ZBTB20: variants seen among roughly 807,000 people sequenced by gnomAD.
ZBTB20 encodes zinc finger and BTB domain-containing protein 20.
A neutral mutation model predicts 56.9 loss-of-function variants in ZBTB20; 9 were observed. The observed-to-expected ratio is 0.16, with a 90% CI of 0.10 to 0.28. The LOEUF (loss-of-function observed/expected upper bound fraction) is 0.28, where lower values mean the gene tolerates loss of function less well. Ranked by LOEUF, ZBTB20 falls within the 10% of genes least tolerant of loss-of-function variation. The probability of loss-of-function intolerance (pLI) is 1.00; values close to 1 mark genes in which losing one functional copy is unlikely to be tolerated. For synonymous variants in ZBTB20, 417 were observed against 420.7 expected, an observed-to-expected ratio of 0.99 and a Z score of 0.11; for missense variants, 655 against 1,003.0, an observed-to-expected ratio of 0.65 and a Z score of 4.69.
chr3:114,820,644 G>A lies in ZBTB20; in HGVS notation c.-416-19470C>T, dbSNP rs903051814. ...ACTTAAGGGAAAAAAATCAGATACCGATAAAAATCACTTTCATATACATGT... is the reference window on the plus strand; with the variant it reads ...ACTTAAGGGAAAAAAATCAGATACCAATAAAAATCACTTTCATATACATGT... On this transcript the variant is annotated intron_variant, in intron 4 of 11. Coordinates refer to ENST00000675478, the MANE Select transcript of ZBTB20 (RefSeq NM_001348800.3). 5.9e-5 allele frequency among the ~76,000 whole-genome samples: 9 copies of A among 151,984 alleles called. No homozygotes were observed. The East Asian group carries it at 7.7e-4, about 13-fold the overall frequency.
intron 10 of ZBTB20, among the ~76,000 whole-genome samples, chr3:114,374,095 A>G (rs1194539420): frequency 6.6e-6 from 1 of 152,164 alleles, no homozygotes; most frequent in Non-Finnish European, 1.5e-5. Context: ...TCTCTAAATA[A>G]AGGGTATAAA....
intron 7 of ZBTB20, among the ~76,000 whole-genome samples, chr3:114,447,892 C>A (rs1351551172): frequency 2.6e-5 from 4 of 152,252 alleles, no homozygotes; most frequent in Non-Finnish European, 5.9e-5. Flanking sequence ...ATACCCTGAG[C>A]CCCTTTCCTT....
chr3:114,455,538 G>A (rs2091959970), intron 7 of ZBTB20, among the ~76,000 whole-genome samples: 1 of 152,092 alleles, frequency 6.6e-6, no homozygotes, highest in Non-Finnish European at 1.5e-5. Flanking sequence ...TATTAACGAT[G>A]GTCTAGGAGT....
chr3:114,620,785 T>A (rs1404756161), intron 6 of ZBTB20, among the ~76,000 whole-genome samples: 1 of 152,110 alleles, frequency 6.6e-6, no homozygotes, highest in Non-Finnish European at 1.5e-5. Context: ...TAGAAAAAAC[T>A]TCAACTTAAA....
At chr3:114,517,272 C>A (rs992628187) in intron 6 of ZBTB20, among the ~76,000 whole-genome samples, 1 of 152,152 alleles carries the variant, frequency 6.6e-6, no homozygotes, top group Non-Finnish European at 1.5e-5. Flanking sequence ...TCAAGTTCTC[C>A]ACCTTGTATA....
intron 4 of ZBTB20, among the ~76,000 whole-genome samples, chr3:114,864,905 T>C (rs2075699516): frequency 6.6e-6 from 1 of 151,858 alleles, no homozygotes; most frequent in Non-Finnish European, 1.5e-5. Flanking sequence ...GATTTTATGT[T>C]TCCCCTTTAC....
intron 6 of ZBTB20, among the ~76,000 whole-genome samples, chr3:114,559,819 G>A (rs1470770896): frequency 6.6e-6 from 1 of 152,102 alleles, no homozygotes; most frequent in East Asian, 1.9e-4. Flanking sequence ...GAGTTCACGG[G>A]AAAAAGATGT....
intron 6 of ZBTB20, chr3:114,502,955 C>G (rs939282694): frequency 2.6e-5 from 4 of 152,108 alleles, no homozygotes; most frequent in African/African-American, 7.2e-5. Context: ...CCCAATAACT[C>G]TCAACAATAT....
In ZBTB20 at chr3:114,324,623, T is replaced by TA. The variant is rs1350872775; in HGVS notation, c.*14381dup. 6.6e-6 allele frequency: 1 copy of TA among 152,126 alleles called. No individual in the cohort carries two copies. The highest frequency in any genetic ancestry group is 2.4e-5 in the African/African-American group (1 of 41,424). The allele number at this position is 152,126 out of a possible 1,614,324, so 9.4% of individuals were successfully genotyped here. A position where few individuals can be genotyped will look rare whatever the true frequency, so the allele number is the denominator to read the frequency against. Reference sequence around the variant, plus strand: ...GCTCAGTGACACACTCACACAGAAGTACAATTATTAAATACAAAAGTGAAT... The same window carrying TA: ...GCTCAGTGACACACTCACACAGAAGTAACAATTATTAAATACAAAAGTGAAT... On this transcript the variant is annotated 3_prime_UTR_variant, in exon 12 of 12. Transcript: ENST00000675478.
chr3:114,675,131 A>T (rs972608097), intron 6 of ZBTB20, among the ~76,000 whole-genome samples: 30 of 151,282 alleles, frequency 2.0e-4, no homozygotes, highest in Middle Eastern at 3.4e-3. Context: ...TATTTGCTGT[A>T]TAGCTAACAG....
intron 7 of ZBTB20, chr3:114,445,796 G>C (rs1486381325): frequency 6.6e-6 from 1 of 152,052 alleles, no homozygotes; most frequent in Non-Finnish European, 1.5e-5. Flanking sequence ...AAAGCAATAA[G>C]TATAAAATAT....
intron 3 of ZBTB20, among the ~76,000 whole-genome samples, chr3:114,963,638 G>T (rs1576437751): frequency 6.6e-6 from 1 of 152,046 alleles, no homozygotes; most frequent in African/African-American, 2.4e-5. Flanking sequence ...ATAATCAATG[G>T]TGAGTATTTT....
At chr3:114,417,326 C>T (rs2088669943) in intron 7 of ZBTB20, among the ~76,000 whole-genome samples, 1 of 152,062 alleles carries the variant, frequency 6.6e-6, no homozygotes, top group Non-Finnish European at 1.5e-5. Context: ...CTCATGTGGA[C>T]TTTATTACAG....
At chr3:114,769,784 C>T (rs2069066684) in intron 5 of ZBTB20, among the ~76,000 whole-genome samples, 1 of 151,902 alleles carries the variant, frequency 6.6e-6, no homozygotes, top group Non-Finnish European at 1.5e-5. Context: ...ATGGGCTAGG[C>T]ATGGTGGCTC....
At chr3:115,049,709 A>T (rs941089765) in intron 2 of ZBTB20, among the ~76,000 whole-genome samples, 59 of 152,102 alleles carry the variant, frequency 3.9e-4, no homozygotes, top group African/African-American at 1.4e-3. Flanking sequence ...CTGTTTAGTC[A>T]ATGTTATTTC....
intron 2 of ZBTB20, among the ~76,000 whole-genome samples, chr3:115,063,692 C>T (rs1178004494): frequency 6.6e-6 from 1 of 151,856 alleles, no homozygotes; most frequent in Admixed American, 6.6e-5. Flanking sequence ...CAAACACACA[C>T]ACACAGTTTA....
At chr3:114,893,623 T>C (rs964629139) in intron 4 of ZBTB20, among the ~76,000 whole-genome samples, 1 of 152,088 alleles carries the variant, frequency 6.6e-6, no homozygotes, top group African/African-American at 2.4e-5. Flanking sequence ...TTCCCAATTT[T>C]GTGACTCTTC....
At chr3:114,810,054 C>T (rs1350200584) in intron 4 of ZBTB20, among the ~76,000 whole-genome samples, 4 of 152,044 alleles carry the variant, frequency 2.6e-5, no homozygotes, top group African/African-American at 9.7e-5. Context: ...CACCTAGGGC[C>T]ACTATGCTAA....
At chr3:114,587,636 G>A (rs2055322389) in intron 6 of ZBTB20, among the ~76,000 whole-genome samples, 1 of 152,194 alleles carries the variant, frequency 6.6e-6, no homozygotes. Context: ...AATGTAGGGA[G>A]TTAAGTACTT....
Sources: gnomAD v4.1 joint callset for allele counts (sites outside exome capture counted in the v4.1 genomes callset) on GRCh38, gnomAD v4.1.1 for gene constraint, MANE v1.5 for transcripts, NCBI Gene and HGNC (gene_info 2026-07-23, HGNC 2026-07-21) for gene names.